TM2D3: variants seen among roughly 807,000 people sequenced by gnomAD.
TM2D3 encodes TM2 domain containing 3.
Under a neutral mutation model 27.3 loss-of-function variants are expected in TM2D3, and 33 were observed. The ratio of observed to expected loss-of-function variants is 1.21; its 90% CI spans 0.92 to 1.61. TM2D3 has a LOEUF of 1.61. Ranked by LOEUF, TM2D3 falls within the 40% of genes most tolerant of loss-of-function variation. The probability of loss-of-function intolerance (pLI) is 0.00; values close to 1 mark genes in which losing one functional copy is unlikely to be tolerated. For synonymous variants in TM2D3, 138 were observed against 122.2 expected (o/e 1.13, Z -0.85); for missense variants, 364 against 320.8 (o/e 1.13, Z -1.03).
Position 101,650,119 on chromosome 15 carries a change from T to C in TM2D3, c.212A>G (p.Asn71Ser), listed in dbSNP as rs1667499320. 1 of 1,614,114 alleles carries C rather than the reference T, an allele frequency of 6.2e-7. No individual in the cohort carries two copies. ...TGCAGGAAGCCTGCTACACAAACCATTGCTCGGACACTTCATCACATAAGG... is the reference window on the plus strand; with the variant it reads ...TGCAGGAAGCCTGCTACACAAACCACTGCTCGGACACTTCATCACATAAGG... ...IPPYVMKCPSNGLCSRLPADC... is the reference protein window; with the variant it reads ...IPPYVMKCPSSGLCSRLPADC... The change falls in exon 3 of 6, where the codon AAT (asparagine) becomes AGT (serine). Residue 71 changes from asparagine (N) to serine (S), a missense_variant. Coordinates refer to ENST00000333202, the MANE Select transcript of TM2D3 (RefSeq NM_078474.3).
intron 3 of TM2D3, 64 bp from the exon 4 acceptor site, chr15:101,646,963 G>C: frequency 6.4e-7 from 1 of 1,574,426 alleles, no homozygotes; most frequent in Non-Finnish European, 8.7e-7. Context: ...ATGTCAGTAA[G>C]ACTACACAGT....
chr15:101,646,051 T>C (rs890216114), intron 4 of TM2D3: 1 of 152,390 alleles, frequency 6.6e-6, no homozygotes, highest in African/African-American at 2.4e-5. Flanking sequence ...CCTGTGCCAT[T>C]GGGAGACAGG....
At chr15:101,638,499 T>C (rs1337847494), downstream of TM2D3, among the ~76,000 whole-genome samples, 2 of 152,094 alleles carry the variant, frequency 1.3e-5, no homozygotes, top group Admixed American at 6.5e-5. Flanking sequence ...GGTTTCACCA[T>C]GTTGGCCAGG....
rs373310730 is a variant in TM2D3, at chr15:101,652,101, G to A, written c.91+170C>T. On this transcript the variant is annotated intron_variant, in intron 1 of 5. Coordinates refer to ENST00000333202, the MANE Select transcript of TM2D3 (RefSeq NM_078474.3). ...TCGCCGGAGCGGAGGGGCGGCCTCG[G>A]GCCGGGCGGCCAGGGCGCCAGACTC... The A allele has an allele frequency of 1.3e-3, 788 of 616,568 alleles. 6 individuals are homozygous for A. In the African/African-American group the frequency reaches 0.013, roughly 10 times the overall value. 38.2% of individuals were successfully genotyped at this position (616,568 alleles called of 1,614,324 possible).
intron 4 of TM2D3, chr15:101,634,032 A>T (rs911701864): frequency 3.1e-5 from 8 of 258,728 alleles, no homozygotes; most frequent in Non-Finnish European, 7.3e-6. Context: ...AAATTATGTA[A>T]CAAAAAATAT....
At chr15:101,636,564 T>A (rs1224284753) in intron 4 of TM2D3, 1 of 160,648 alleles carries the variant, frequency 6.2e-6, no homozygotes. Flanking sequence ...CATAGGTACA[T>A]GTGCGTGAGT....
intron 1 of TM2D3, 54 bp downstream of exon 1, chr15:101,652,217 G>A (rs763983684): frequency 2.6e-6 from 4 of 1,510,764 alleles, no homozygotes; most frequent in African/African-American, 1.4e-5. Flanking sequence ...CGCAGCTCCC[G>A]GGGCCCTGCT....
In TM2D3 at chr15:101,642,600, T is replaced by C; in HGVS notation, c.623A>G (p.Gln208Arg). 2 of 1,613,348 alleles carry C rather than the reference T, an allele frequency of 1.2e-6. No homozygotes were observed. Among genetic ancestry groups the C allele is most frequent in the Non-Finnish European group, 8.5e-7 (1 of 1,179,764 alleles). Reference protein sequence around the residue: ...GFGADRFYLGQWREGLGKLFS... With the variant: ...GFGADRFYLGRWREGLGKLFS... Reference sequence around the variant, plus strand: ...GAGCTTGCCGAGGCCTTCCCGCCACTGGCCCAGGTAGAAACGGTCTGCTCC... The same window carrying C: ...GAGCTTGCCGAGGCCTTCCCGCCACCGGCCCAGGTAGAAACGGTCTGCTCC... The change falls in exon 6 of 6, where the codon CAG becomes CGG. Residue 208 changes from glutamine to arginine, a missense_variant. Gln to Arg is a conservative substitution (Grantham distance 43). Transcript: ENST00000333202.
chr15:101,633,796 G>A (rs1193313779), intron 4 of TM2D3: 1 of 1,328,176 alleles, frequency 7.5e-7, no homozygotes, highest in Admixed American at 2.4e-5. Context: ...TATCCAACAT[G>A]TCCAGGAGAC....
At chr15:101,643,599 T>TTAA (rs1309191747) in intron 5 of TM2D3, among the ~76,000 whole-genome samples, 1,062 of 47,082 alleles carry the variant, frequency 0.023, 26 homozygotes, top group African/African-American at 0.062. Context: ...GAGACTCCGT[T>TTAA]AAAAAAAAAA....
intron 5 of TM2D3, among the ~76,000 whole-genome samples, chr15:101,644,673 TA>T (rs1896758328): frequency 6.6e-6 from 1 of 152,240 alleles, no homozygotes; most frequent in African/African-American, 2.4e-5. Flanking sequence ...TATAAGCCTA[TA>T]ATTATCTGCT....
intron 3 of TM2D3, among the ~76,000 whole-genome samples, chr15:101,649,313 TTA>T (rs1896906374): frequency 6.6e-6 from 1 of 152,202 alleles, no homozygotes; most frequent in African/African-American, 2.4e-5. Context: ...GCTTTTTTTT[TTA>T]GGTCATGCAG....
At chr15:101,635,759 G>A (rs1896538548) in intron 4 of TM2D3, 1 of 152,168 alleles carries the variant, frequency 6.6e-6, no homozygotes, top group Non-Finnish European at 1.5e-5. Context: ...TAGGGGCTCA[G>A]TACTTTCGCT....
chr15:101,652,297 G>A lies in TM2D3; in HGVS notation c.65C>T (p.Ser22Leu), dbSNP rs936723381. 5 of 1,604,628 alleles carry A rather than the reference G, an allele frequency of 3.1e-6. No homozygotes were observed. Among genetic ancestry groups the A allele is most frequent in the African/African-American group, 2.7e-5 (2 of 73,076 alleles). ...ACCGCCCGACAGAATGCAGAACTGC[G>A]AGAGGAAGAGCAGCACGCGACACAA... ...RALCRVLLFL[S>L]QFCILSGGEQ... is the part of the protein sequence containing the mutation. Residue 22 changes from serine to leucine, a missense_variant, in exon 1 of 6, where the codon TCG becomes TTG. Coordinates refer to ENST00000333202, the MANE Select transcript of TM2D3 (RefSeq NM_078474.3).
At chr15:101,645,811 G>GA (rs769831146) in intron 4 of TM2D3, 2 of 93,542 alleles carry the variant, frequency 2.1e-5, no homozygotes, top group African/African-American at 6.9e-5. Flanking sequence ...ATACAATAAT[G>GA]CAAAAAAAAA....
Position 101,650,288 on chromosome 15 carries a change from G to C in TM2D3, c.170-127C>G, listed in dbSNP as rs147348264. 1.5e-5 allele frequency: 14 copies of C among 960,202 alleles called. No homozygotes were observed. The Admixed American group carries it at 1.7e-4, about 11-fold the overall frequency. 59.5% of individuals were successfully genotyped at this position (960,202 alleles called of 1,614,324 possible). A position where few individuals can be genotyped will look rare whatever the true frequency, so the allele number is the denominator to read the frequency against. On this transcript the variant is annotated intron_variant, in intron 2 of 5. Coordinates refer to ENST00000333202, the MANE Select transcript of TM2D3 (RefSeq NM_078474.3). ...CTGCACTGGAAGGGAAGAAGCATGG[G>C]ACTGGAGTCAGAGACACCTGCAATT...
chr15:101,641,462 G>A (rs1896666116), downstream of TM2D3, among the ~76,000 whole-genome samples: 1 of 152,188 alleles, frequency 6.6e-6, no homozygotes, highest in Non-Finnish European at 1.5e-5. Context: ...TAAATCATCT[G>A]CTGAATGAAA....
At chr15:101,633,778 T>G in intron 4 of TM2D3, 1 of 1,457,146 alleles carries the variant, frequency 6.9e-7, no homozygotes, top group Middle Eastern at 1.7e-4. Context: ...TTAGTTCTTA[T>G]GACATAATAT....
intron 3 of TM2D3, among the ~76,000 whole-genome samples, chr15:101,648,595 G>GCT (rs889513561): frequency 2.0e-5 from 3 of 152,160 alleles, no homozygotes; most frequent in African/African-American, 7.2e-5. Flanking sequence ...GGCCAAGTAC[G>GCT]CTCTGTGCTT....
Sources: allele counts gnomAD v4.1 joint callset (sites outside exome capture counted in the v4.1 genomes callset), GRCh38; gene constraint gnomAD v4.1.1; transcripts MANE v1.5; gene names NCBI Gene and HGNC (gene_info 2026-07-23, HGNC 2026-07-21).